SCHIP1: variants seen among roughly 807,000 people sequenced by gnomAD.
The protein encoded by SCHIP1 is schwannomin-interacting protein 1.
In SCHIP1, 8 loss-of-function variants were observed where a neutral mutation model predicts 29.7. The ratio of observed to expected loss-of-function variants is 0.27; its 90% CI spans 0.16 to 0.49. SCHIP1 has a LOEUF of 0.49. Ranked by LOEUF, SCHIP1 falls within the 20% of genes least tolerant of loss-of-function variation. The probability of loss-of-function intolerance (pLI) is 0.99; values close to 1 mark genes in which losing one functional copy is unlikely to be tolerated. For missense variants in SCHIP1, 193 were observed against 294.6 expected, an observed-to-expected ratio of 0.66 and a Z score of 2.52; for synonymous variants, 76 against 94.9, an observed-to-expected ratio of 0.80 and a Z score of 1.16.
the SCHIP1 span, among the ~76,000 whole-genome samples, chr3:159,498,604 C>T: frequency 6.6e-6 from 1 of 151,856 alleles, no homozygotes; most frequent in Non-Finnish European, 1.5e-5. Context: ...GGGAAAGGGA[C>T]AATTATGCTC....
the SCHIP1 span, among the ~76,000 whole-genome samples, chr3:159,410,648 A>G: frequency 3.8e-3 from 577 of 152,262 alleles, 3 homozygotes; most frequent in Middle Eastern, 0.054. Context: ...GGATATGGAG[A>G]AAAAAGAATC....
the SCHIP1 span, among the ~76,000 whole-genome samples, chr3:159,276,853 G>A: frequency 6.6e-6 from 1 of 152,124 alleles, no homozygotes; most frequent in Non-Finnish European, 1.5e-5. Flanking sequence ...AACTTAAGTT[G>A]CAGCATGTAA....
chr3:159,418,684 A>G, the SCHIP1 span, among the ~76,000 whole-genome samples: 2 of 152,262 alleles, frequency 1.3e-5, no homozygotes, highest in African/African-American at 4.8e-5. Context: ...AAGAAGTTAT[A>G]TCCTCAAGGT....
chr3:159,881,623 C>A (rs1245120792), intron 2 of SCHIP1, among the ~76,000 whole-genome samples: 1 of 152,126 alleles, frequency 6.6e-6, no homozygotes, highest in Non-Finnish European at 1.5e-5. Flanking sequence ...AAATTCAAAC[C>A]TCATGTTAAG....
chr3:159,636,835 AGAT>A, the SCHIP1 span, among the ~76,000 whole-genome samples: 1 of 152,266 alleles, frequency 6.6e-6, no homozygotes, highest in African/African-American at 2.4e-5. Flanking sequence ...TATTAATGTA[AGAT>A]GATAGAAATA....
intron 1 of SCHIP1, among the ~76,000 whole-genome samples, chr3:159,857,853 A>G (rs1000945388): frequency 6.6e-6 from 1 of 152,146 alleles, no homozygotes; most frequent in Non-Finnish European, 1.5e-5. Flanking sequence ...TCTTTTTTCA[A>G]AAGAAGAAAC....
chr3:159,577,818 A>G, the SCHIP1 span, among the ~76,000 whole-genome samples: 1 of 152,196 alleles, frequency 6.6e-6, no homozygotes, highest in African/African-American at 2.4e-5. Flanking sequence ...TTTGCCATAG[A>G]AAATCCTGGA....
the SCHIP1 span, among the ~76,000 whole-genome samples, chr3:159,450,787 A>G: frequency 1.1e-4 from 16 of 151,072 alleles, no homozygotes; most frequent in Non-Finnish European, 2.1e-4. Flanking sequence ...CAAAATACCT[A>G]ACTTTCCACA....
chr3:159,859,057 G>A (rs1713735867), intron 1 of SCHIP1, among the ~76,000 whole-genome samples: 1 of 152,172 alleles, frequency 6.6e-6, no homozygotes, highest in African/African-American at 2.4e-5. Flanking sequence ...TGATGCAATT[G>A]AAAGATACTA....
chr3:159,713,233 G>GAAGAAAGAAAGA, the SCHIP1 span, among the ~76,000 whole-genome samples: 1,689 of 124,586 alleles, frequency 0.014, 13 homozygotes, highest in East Asian at 0.023. Flanking sequence ...AGAAAGAAAG[G>GAAGAAAGAAAGA]AAGAAAGAAA....
At chr3:159,652,009 T>C in the SCHIP1 span, among the ~76,000 whole-genome samples, 3 of 151,684 alleles carry the variant, frequency 2.0e-5, no homozygotes, top group Non-Finnish European at 2.9e-5. Flanking sequence ...GGCGGGAGAA[T>C]CATTTGAACC....
chr3:159,382,728 G>A, the SCHIP1 span, among the ~76,000 whole-genome samples: 1 of 152,052 alleles, frequency 6.6e-6, no homozygotes, highest in African/African-American at 2.4e-5. Flanking sequence ...CACCAACAGT[G>A]TAAAAGTGTT....
In SCHIP1 at chr3:159,886,374, A is replaced by G. The variant is rs143377377; in HGVS notation, c.267+50A>G. ...AGCTCGGTGTTGTGATTTCCGGGCC[A>G]TTTAGCTTCTTTTCTGTTGTAAGGT... is the stretch of plus-strand genomic sequence containing the variant. On this transcript the variant is annotated intron_variant, in intron 3 of 6. Transcript: ENST00000445224. The G allele has an allele frequency of 5.3e-5, 81 of 1,542,614 alleles. 1 individual carries two copies. In the East Asian group the frequency reaches 1.8e-3, roughly 33 times the overall value.
chr3:159,888,132 G>A (rs1717139435), intron 4 of SCHIP1: 3 of 595,858 alleles, frequency 5.0e-6, no homozygotes, highest in East Asian at 3.0e-5. Flanking sequence ...GTTGATTGAT[G>A]TCTACTGTTT....
the SCHIP1 span, among the ~76,000 whole-genome samples, chr3:159,328,984 A>G: frequency 1.3e-5 from 2 of 152,188 alleles, no homozygotes; most frequent in Non-Finnish European, 1.5e-5. Context: ...ATGTAGGTAA[A>G]GCAGCCAGTA....
chr3:159,542,543 G>A, the SCHIP1 span, among the ~76,000 whole-genome samples: 3 of 151,980 alleles, frequency 2.0e-5, no homozygotes, highest in Non-Finnish European at 4.4e-5. Flanking sequence ...TCACATACCC[G>A]TATTCATTCC....
chr3:159,379,627 T>C, the SCHIP1 span, among the ~76,000 whole-genome samples: 3 of 152,228 alleles, frequency 2.0e-5, no homozygotes, highest in African/African-American at 7.2e-5. Context: ...CCCCTATTAG[T>C]GTGCAACACC....
the SCHIP1 span, among the ~76,000 whole-genome samples, chr3:159,722,956 C>A: frequency 6.6e-6 from 1 of 152,126 alleles, no homozygotes; most frequent in Non-Finnish European, 1.5e-5. Context: ...GATGTGGTTA[C>A]TCCTCTCTGT....
At chr3:159,512,512 T>C in the SCHIP1 span, among the ~76,000 whole-genome samples, 9 of 152,200 alleles carry the variant, frequency 5.9e-5, no homozygotes, top group African/African-American at 1.9e-4. Flanking sequence ...ATAGAAAGAA[T>C]AGAATATATA....
Sources: gnomAD v4.1 joint callset for allele counts (sites outside exome capture counted in the v4.1 genomes callset) on GRCh38, gnomAD v4.1.1 for gene constraint, MANE v1.5 for transcripts, NCBI Gene and HGNC (gene_info 2026-07-23, HGNC 2026-07-21) for gene names.